Variants in ANKRD24 observed in about 807,000 individuals in gnomAD.
ANKRD24 encodes ankyrin repeat domain 24, also known as ankyrin repeat domain-containing protein 24.
ANKRD24 carries 109 observed loss-of-function variants against 127.8 expected under a neutral mutation model. The ratio of observed to expected loss-of-function variants is 0.85; its 90% confidence interval spans 0.73 to 1.00. The LOEUF (loss-of-function observed/expected upper bound fraction) is 1.00. Among genes scored for constraint, ANKRD24 ranks in the 50% least tolerant of loss-of-function variants. The pLI, the probability that ANKRD24 is intolerant of heterozygous loss-of-function variation, is 0.00. For synonymous variants in ANKRD24, 743 were observed against 671.1 expected, an observed-to-expected ratio of 1.11 and a Z score of -1.66; for missense variants, 1,648 against 1,570.2, an observed-to-expected ratio of 1.05 and a Z score of -0.84.
intron 2 of ANKRD24, among the ~76,000 whole-genome samples, chr19:4,197,913 G>A (rs1232060291): frequency 6.6e-6 from 1 of 152,046 alleles, no homozygotes; most frequent in Non-Finnish European, 1.5e-5. Context: ...GAATGAACGA[G>A]TGAATGAACG....
chr19:4,193,729 C>G (rs999969226), intron 2 of ANKRD24, among the ~76,000 whole-genome samples: 1 of 151,146 alleles, frequency 6.6e-6, no homozygotes, highest in African/African-American at 2.4e-5. Flanking sequence ...CCCAGATACT[C>G]GGGAGACTGA....
chr19:4,184,029 G>A (rs1371804878), intron 1 of ANKRD24, among the ~76,000 whole-genome samples: 1 of 152,232 alleles, frequency 6.6e-6, no homozygotes, highest in Non-Finnish European at 1.5e-5. Flanking sequence ...CTGAGAAAGA[G>A]GAAGAGCATG....
rs775429447 is a variant in ANKRD24 at position 4,217,976 on chromosome 19, AGGTGGT to A, written c.2819_2824del (p.Val940_Val941del). ...GGCCGGGCAGCCAGTCTGGAGCAGG[AGGTGGT>A]GGCCACGGGCAAGGAGGCCGCCCGG... On this transcript the variant is annotated inframe_deletion, in exon 18 of 22. Transcript: ENST00000318934. The A allele has an allele frequency of 6.6e-7, 1 of 1,520,806 alleles. No homozygotes were observed. The highest frequency in any genetic ancestry group is 8.8e-7 in the Non-Finnish European group (1 of 1,141,784). 94.2% of individuals were successfully genotyped at this position (1,520,806 alleles called of 1,614,324 possible).
chr19:4,201,417 T>C (rs1433621219), intron 5 of ANKRD24, among the ~76,000 whole-genome samples: 1 of 152,028 alleles, frequency 6.6e-6, no homozygotes, highest in Non-Finnish European at 1.5e-5. Flanking sequence ...AGGGCAGAGC[T>C]GAAACTTTGG....
chr19:4,197,129 T>C (rs1968790560), intron 2 of ANKRD24, among the ~76,000 whole-genome samples: 1 of 152,170 alleles, frequency 6.6e-6, no homozygotes, highest in African/African-American at 2.4e-5. Flanking sequence ...AAACCCATTT[T>C]ACGGAGGAGG....
intron 19 of ANKRD24, among the ~76,000 whole-genome samples, chr19:4,220,460 C>T (rs908088173): frequency 1.4e-5 from 2 of 146,706 alleles, no homozygotes; most frequent in African/African-American, 5.5e-5. Flanking sequence ...TTTGTACCCA[C>T]GTTCCCACGT....
intron 2 of ANKRD24, among the ~76,000 whole-genome samples, chr19:4,189,858 C>G (rs1275050182): frequency 1.3e-5 from 2 of 152,066 alleles, no homozygotes; most frequent in Admixed American, 6.6e-5. Flanking sequence ...CAAGGTCACA[C>G]AGCTAGGAAG....
chr19:4,218,099 A>C lies in ANKRD24; in HGVS notation c.2939A>C (p.Gln980Pro). The C allele has an allele frequency of 6.5e-7, 1 of 1,545,002 alleles. No homozygotes were observed. The highest frequency in any genetic ancestry group is 8.7e-7 in the Non-Finnish European group (1 of 1,147,748). ...IVGTLQANVA[Q>P]LEGQLEELGR... ...GGCACCCTGCAGGCCAACGTGGCCC[A>C]GCTGGAGGGGCAGCTGGAGGAGCTG... The change falls in exon 18 of 22, where the codon CAG becomes CCG. Residue 980 changes from glutamine to proline, a missense_variant. Transcript: ENST00000318934.
At position 4,217,807 on chromosome 19, in the gene ANKRD24, G is replaced by C; in HGVS notation, c.2647G>C (p.Ala883Pro). 7.3e-7 allele frequency: 1 copy of C among 1,379,082 alleles called. No individual in the cohort carries two copies. Among genetic ancestry groups the C allele is most frequent in the Non-Finnish European group, 9.3e-7 (1 of 1,071,688 alleles). 85.4% of individuals were successfully genotyped at this position (1,379,082 alleles called of 1,614,324 possible). The change falls in exon 18 of 22, where the codon GCC becomes CCC. Residue 883 changes from alanine (A) to proline (P), a missense_variant. Physicochemically the swap from Ala to Pro is conservative, Grantham distance 27 (BLOSUM62 -1). Coordinates refer to ENST00000318934, the MANE Select transcript of ANKRD24 (RefSeq NM_001393985.1). ...ELGRARDAAE[A>P]RVAELPAACE... ...GGGCCGGGCACGGGACGCCGCTGAG[G>C]CCCGAGTGGCTGAGCTGCCTGCGGC...
At chr19:4,196,345 T>G (rs2145258428) in intron 2 of ANKRD24, among the ~76,000 whole-genome samples, 1 of 151,776 alleles carries the variant, frequency 6.6e-6, no homozygotes, top group Non-Finnish European at 1.5e-5. Context: ...GTTTTGTTGT[T>G]GTTGTTGTTG....
chr19:4,217,570 C>T lies in ANKRD24; in HGVS notation c.2410C>T (p.Arg804Cys). The T allele has an allele frequency of 5.3e-6, 7 of 1,309,326 alleles. No individual in the cohort carries two copies. The highest frequency in any genetic ancestry group is 6.8e-6 in the Non-Finnish European group (7 of 1,033,366). The allele number at this position is 1,309,326 out of a possible 1,614,324, so 81.1% of individuals were successfully genotyped here. A position where few individuals can be genotyped will look rare whatever the true frequency, so the allele number is the denominator to read the frequency against. The change falls in exon 18 of 22, where the codon CGC (arginine) becomes TGC (cysteine). Residue 804 changes from arginine to cysteine, a missense_variant. By Grantham distance (180) the Arg-to-Cys change is radical (BLOSUM62 -3). Coordinates refer to ENST00000318934, the MANE Select transcript of ANKRD24 (RefSeq NM_001393985.1). ...AREDLRDRDS[R>C]LRELEAASAC... Reference sequence around the variant, plus strand: ...GGAGGACCTCCGAGACCGGGACTCCCGCCTGCGGGAGCTGGAGGCGGCCTC... The same window carrying T: ...GGAGGACCTCCGAGACCGGGACTCCTGCCTGCGGGAGCTGGAGGCGGCCTC...
chr19:4,200,441 A>T (rs1969035864), intron 5 of ANKRD24, among the ~76,000 whole-genome samples: 1 of 151,748 alleles, frequency 6.6e-6, no homozygotes, highest in African/African-American at 2.4e-5. Flanking sequence ...GTTCAGTTGG[A>T]TGGGGAAGTA....
intron 2 of ANKRD24, among the ~76,000 whole-genome samples, chr19:4,188,103 G>GT (rs1234835721): frequency 6.6e-6 from 1 of 152,104 alleles, no homozygotes; most frequent in Non-Finnish European, 1.5e-5. Flanking sequence ...TTGAGATGGA[G>GT]TTTCCCTCTT....
intron 13 of ANKRD24, among the ~76,000 whole-genome samples, chr19:4,211,129 G>A (rs1196442460): frequency 6.6e-6 from 1 of 151,552 alleles, no homozygotes; most frequent in Admixed American, 6.6e-5. Flanking sequence ...CACCGCACCC[G>A]GCCTCTTTAT....
At chr19:4,206,210 C>T (rs917943612) in intron 7 of ANKRD24, among the ~76,000 whole-genome samples, 5 of 144,924 alleles carry the variant, frequency 3.5e-5, no homozygotes, top group Middle Eastern at 3.4e-3. Context: ...AACACATAAA[C>T]GGGGCCGGGC....
intron 13 of ANKRD24, among the ~76,000 whole-genome samples, chr19:4,210,621 C>T (rs1258764993): frequency 1.8e-5 from 2 of 108,520 alleles, no homozygotes; most frequent in Admixed American, 1.1e-4. Flanking sequence ...TTTGCACCAC[C>T]TGTGTCCTCT....
At position 4,202,938 on chromosome 19, in the gene ANKRD24, C is replaced by G. The variant is rs1267206594; in HGVS notation, c.466+12C>G. 5 of 1,550,588 alleles carry G rather than the reference C, an allele frequency of 3.2e-6. No individual in the cohort carries two copies. In the African/African-American group the frequency reaches 4.1e-5, roughly 13 times the overall value. On this transcript the variant is annotated intron_variant, in intron 7 of 21. Transcript: ENST00000318934. ...CCTACACCATGCAGGTGGGTGCAGC[C>G]CAGCCCTGCCCTGACCCCGAAGCCC...
chr19:4,211,213 G>A (rs1371399501), intron 13 of ANKRD24, among the ~76,000 whole-genome samples: 1 of 152,224 alleles, frequency 6.6e-6, no homozygotes, highest in Non-Finnish European at 1.5e-5. Context: ...CTGTGAGCCT[G>A]CGAGGGCAGG....
rs1250568288 is a variant in ANKRD24 at position 4,186,871 on chromosome 19, C to T, written c.36+410C>T. Among the ~76,000 whole-genome samples the T allele has an allele frequency of 2.0e-5, 3 of 152,176 alleles. No homozygotes were observed. The East Asian group carries it at 5.8e-4, about 29-fold the overall frequency. On this transcript the variant is annotated intron_variant, in intron 2 of 21. Transcript: ENST00000318934. ...CATATTTATATAGCAGGCGCTGTTCCAGGCACAGGGGAATCAGCCAGGGAA... is the reference window on the plus strand; with the variant it reads ...CATATTTATATAGCAGGCGCTGTTCTAGGCACAGGGGAATCAGCCAGGGAA...
Sources: allele counts gnomAD v4.1 joint callset (sites outside exome capture counted in the v4.1 genomes callset), GRCh38; gene constraint gnomAD v4.1.1; transcripts MANE v1.5; gene names NCBI Gene and HGNC (gene_info 2026-07-23, HGNC 2026-07-21).